Variants in METTL15 observed in about 807,000 individuals in gnomAD.
METTL15 encodes the protein methyltransferase 15, mitochondrial 12S rRNA N4-cytidine.
In METTL15, 34 loss-of-function variants were observed where a neutral mutation model predicts 38.3. The ratio of observed to expected loss-of-function variants is 0.89; its 90% confidence interval spans 0.68 to 1.18. METTL15 has a LOEUF of 1.18. METTL15 is among the 50% of genes most tolerant of loss of function. The pLI is 0.00. For missense variants in METTL15, 438 were observed against 498.4 expected (o/e 0.88, Z 1.15); for synonymous variants, 162 against 170.9 (o/e 0.95, Z 0.41).
Position 28,347,989 on chromosome 11 carries a change from A to G in METTL15, c.*190-4101A>G, listed in dbSNP as rs1590340977. 2.0e-5 allele frequency among the ~76,000 whole-genome samples: 3 copies of G among 152,204 alleles called. No individual in the cohort carries two copies. The South Asian group carries it at 6.2e-4, about 32-fold the overall frequency. On this transcript the variant is annotated intron_variant and NMD_transcript_variant, in intron 3 of 7. Transcript: ENST00000532947. ...GGTTCCTCATGACTAGACCCAGGTT[A>G]TGAAGTTTTGGTCTGACTGTCACAC...
At chr11:28,370,856 A>C (rs954047789) in intron 5 of METTL15, among the ~76,000 whole-genome samples, 2 of 152,042 alleles carry the variant, frequency 1.3e-5, no homozygotes, top group African/African-American at 4.8e-5. Flanking sequence ...CTTCTTTTGA[A>C]AAATGTCTAT....
intron 3 of METTL15, among the ~76,000 whole-genome samples, chr11:28,185,661 C>G (rs1255301202): frequency 6.6e-6 from 1 of 151,086 alleles, no homozygotes; most frequent in Non-Finnish European, 1.5e-5. Context: ...CCCTTTGATG[C>G]TTTTAGGTTT....
intron 3 of METTL15, among the ~76,000 whole-genome samples, chr11:28,195,727 A>G (rs1274006514): frequency 6.6e-6 from 1 of 151,546 alleles, no homozygotes; most frequent in African/African-American, 2.4e-5. Flanking sequence ...GGTCTCATTT[A>G]TTTATTTTTG....
intron 3 of METTL15, among the ~76,000 whole-genome samples, chr11:28,143,715 T>G (rs1029606786): frequency 2.6e-5 from 4 of 152,176 alleles, no homozygotes; most frequent in Admixed American, 2.6e-4. Context: ...CATTAATGAT[T>G]TTTGTCATGT....
At chr11:28,525,914 C>G (rs1851806884) in intron 6 of METTL15, among the ~76,000 whole-genome samples, 1 of 152,242 alleles carries the variant, frequency 6.6e-6, no homozygotes, top group Admixed American at 6.5e-5. Flanking sequence ...GAGTCTCAGG[C>G]ATGGTGGGCT....
chr11:28,297,935 C>G (rs1856795730), intron 6 of METTL15, among the ~76,000 whole-genome samples: 1 of 151,896 alleles, frequency 6.6e-6, no homozygotes, highest in African/African-American at 2.4e-5. Context: ...TCATTTAGAT[C>G]ATTACTATTT....
intron 4 of METTL15, among the ~76,000 whole-genome samples, chr11:28,356,882 G>A (rs1850095079): frequency 2.0e-5 from 3 of 152,184 alleles, no homozygotes; most frequent in Non-Finnish European, 4.4e-5. Flanking sequence ...GAACCAGGAT[G>A]TGCTCCTGGG....
intron 6 of METTL15, among the ~76,000 whole-genome samples, chr11:28,322,410 A>G (rs550347282): frequency 3.3e-4 from 50 of 152,230 alleles, no homozygotes; most frequent in Non-Finnish European, 5.3e-4. Context: ...AGATTTGAAA[A>G]GATGTCCAAC....
chr11:28,261,041 G>A (rs551930644), intron 4 of METTL15, among the ~76,000 whole-genome samples: 5 of 152,104 alleles, frequency 3.3e-5, no homozygotes, highest in East Asian at 1.9e-4. Context: ...TAAAAGTCAC[G>A]TGTTTGTCTT....
At chr11:28,361,051 A>G (rs376918891) in intron 4 of METTL15, among the ~76,000 whole-genome samples, 13 of 151,692 alleles carry the variant, frequency 8.6e-5, no homozygotes, top group South Asian at 2.1e-4. Flanking sequence ...TCTTAATCCA[A>G]TCTATCATTG....
At chr11:28,450,832 G>A (rs1167492060) in intron 6 of METTL15, among the ~76,000 whole-genome samples, 1 of 152,162 alleles carries the variant, frequency 6.6e-6, no homozygotes, top group Non-Finnish European at 1.5e-5. Flanking sequence ...TAGAATAAAG[G>A]TAACTGTAAT....
chr11:28,444,806 C>G (rs530520375), intron 6 of METTL15, among the ~76,000 whole-genome samples: 6 of 151,998 alleles, frequency 3.9e-5, no homozygotes, highest in Admixed American at 1.3e-4. Flanking sequence ...CTCACCGTAG[C>G]CTACACGGAA....
chr11:28,196,243 C>T (rs1565157553), intron 3 of METTL15, among the ~76,000 whole-genome samples: 1 of 151,862 alleles, frequency 6.6e-6, no homozygotes, highest in Non-Finnish European at 1.5e-5. Flanking sequence ...TGATGAATAA[C>T]ATTAGTATTT....
chr11:28,434,990 C>T (rs1291651939), intron 6 of METTL15, among the ~76,000 whole-genome samples: 2 of 152,190 alleles, frequency 1.3e-5, no homozygotes, highest in Non-Finnish European at 2.9e-5. Flanking sequence ...CTCATCCAAA[C>T]AAGTCATCTG....
chr11:28,479,386 G>T (rs1851376026), intron 6 of METTL15, among the ~76,000 whole-genome samples: 1 of 152,122 alleles, frequency 6.6e-6, no homozygotes, highest in East Asian at 1.9e-4. Flanking sequence ...AGAGAGAAGT[G>T]ACAGCTTAGG....
chr11:28,214,547 C>A (rs1479411603), intron 4 of METTL15, among the ~76,000 whole-genome samples: 1 of 152,030 alleles, frequency 6.6e-6, no homozygotes, highest in East Asian at 1.9e-4. Flanking sequence ...ATAAGCATGA[C>A]AATAATCAGC....
At chr11:28,325,634 T>G (rs1181570916) in intron 6 of METTL15, among the ~76,000 whole-genome samples, 2 of 152,228 alleles carry the variant, frequency 1.3e-5, no homozygotes, top group Non-Finnish European at 2.9e-5. Context: ...TGGCTGCATG[T>G]CAAAATCCTC....
chr11:28,449,072 G>A (rs973735920), intron 6 of METTL15, among the ~76,000 whole-genome samples: 1 of 152,072 alleles, frequency 6.6e-6, no homozygotes, highest in African/African-American at 2.4e-5. Context: ...GCTTGTTTGT[G>A]CTATTTGTAT....
Position 28,201,384 on chromosome 11 carries a change from T to C in METTL15, c.271-9678T>C, listed in dbSNP as rs140848536. 3.0e-3 allele frequency among the ~76,000 whole-genome samples: 464 copies of C among 152,336 alleles called. 4 individuals carry two copies. The highest frequency in any genetic ancestry group is 0.011 in the African/African-American group (452 of 41,562). ...CTGCCCTGTTTTGATATCAGGATGA[T>C]GCTGGCTTCATAAAATGAGTTAGGG... On this transcript the variant is annotated intron_variant, in intron 3 of 6. Coordinates refer to ENST00000407364, the MANE Select transcript of METTL15 (RefSeq NM_001113528.2).
Sources: gnomAD v4.1 joint callset for allele counts (sites outside exome capture counted in the v4.1 genomes callset) on GRCh38, gnomAD v4.1.1 for gene constraint, MANE v1.5 for transcripts, NCBI Gene and HGNC (gene_info 2026-07-23, HGNC 2026-07-21) for gene names.